SHROOM4: variants seen among roughly 807,000 people sequenced by gnomAD.
SHROOM4 encodes shroom family member 4.
A neutral mutation model predicts 80.3 loss-of-function variants in SHROOM4; 17 were observed. The observed-to-expected ratio is 0.21, with a 90% CI of 0.14 to 0.32. The LOEUF (loss-of-function observed/expected upper bound fraction) is 0.32, where lower values mean the gene tolerates loss of function less well. Ranked by LOEUF, SHROOM4 falls within the 10% of genes least tolerant of loss-of-function variation. The pLI is 1.00. For synonymous variants in SHROOM4, 400 were observed against 437.5 expected (o/e 0.91, Z 1.07); for missense variants, 993 against 1,140.3 (o/e 0.87, Z 1.86).
At chrX:50,660,603 T>A (rs1932475328) in intron 2 of SHROOM4, among the ~76,000 whole-genome samples, 1 of 74,053 alleles carries the variant, frequency 1.4e-5, no homozygotes, top group Non-Finnish European at 2.4e-5. Flanking sequence ...TCTCTCTCCC[T>A]CTCTCTCTCC....
At chrX:50,744,321 C>T (rs1461739138) in intron 1 of SHROOM4, among the ~76,000 whole-genome samples, 2 of 111,225 alleles carry the variant, frequency 1.8e-5, no homozygotes, top group African/African-American at 3.3e-5. Flanking sequence ...ATTAATCTGT[C>T]TTCTGCTTCA....
chrX:50,744,444 AAAT>A (rs782080147), intron 1 of SHROOM4, among the ~76,000 whole-genome samples: 30 of 112,041 alleles, frequency 2.7e-4, no homozygotes, highest in Admixed American at 7.6e-4. Flanking sequence ...TCTTTTTAAA[AAAT>A]AAGTTCTATC....
At chrX:50,643,480 A>T (rs1931693909) in intron 2 of SHROOM4, 1 of 111,405 alleles carries the variant, frequency 9.0e-6, no homozygotes, top group Non-Finnish European at 1.9e-5. Flanking sequence ...GCTGAGTGTG[A>T]TCCAAGGGGC....
At position 50,646,391 on chromosome X, in the gene SHROOM4, G is replaced by C. The variant is rs1210260122; in HGVS notation, c.270-8083C>G. Among the ~76,000 whole-genome samples the C allele has an allele frequency of 3.6e-5, 4 of 110,419 alleles. No homozygotes were observed. In the Admixed American group the frequency reaches 3.9e-4, roughly 11 times the overall value. On this transcript the variant is annotated intron_variant, in intron 2 of 8. Coordinates refer to ENST00000376020, the MANE Select transcript of SHROOM4 (RefSeq NM_020717.5). Reference sequence around the variant, plus strand: ...TGCATGGCTTGTTTATTTGACAGAAGAGGGGAAAAGCTGCCTGGTCACCAT... The same window carrying C: ...TGCATGGCTTGTTTATTTGACAGAACAGGGGAAAAGCTGCCTGGTCACCAT...
chrX:50,577,067 A>G, the SHROOM4 span, among the ~76,000 whole-genome samples: 1 of 112,069 alleles, frequency 8.9e-6, no homozygotes, highest in Non-Finnish European at 1.9e-5. Flanking sequence ...TCGTTCTTTT[A>G]TCATTTTTTT....
chrX:50,748,051 G>A (rs1486742349), intron 1 of SHROOM4, among the ~76,000 whole-genome samples: 4 of 112,029 alleles, frequency 3.6e-5, no homozygotes, highest in African/African-American at 1.3e-4. Context: ...TGTCAAAACT[G>A]GAAGCTTATA....
chrX:50,731,087 T>C (rs1934359736), intron 1 of SHROOM4, among the ~76,000 whole-genome samples: 1 of 111,038 alleles, frequency 9.0e-6, no homozygotes, highest in African/African-American at 3.3e-5. Context: ...GGAGATTGAG[T>C]TCTGGCATTA....
chrX:50,588,975 C>T lies in SHROOM4; in HGVS notation c.*7720G>A, dbSNP rs1457595670. On this transcript the variant is annotated 3_prime_UTR_variant, in exon 9 of 9. Transcript: ENST00000376020. ...AACTTGGTTTATTTGCCCAATGAGC[C>T]GAAGCTCTTATCCATTCTACCACAA... Among the ~76,000 whole-genome samples, 10 of 111,515 alleles carry T rather than the reference C, an allele frequency of 9.0e-5. No homozygotes were observed. The highest frequency in any genetic ancestry group is 2.9e-4 in the African/African-American group (9 of 30,681).
chrX:50,602,460 T>C (rs1326300802), intron 7 of SHROOM4, among the ~76,000 whole-genome samples, 173 bp downstream of exon 7: 1 of 111,453 alleles, frequency 9.0e-6, no homozygotes, highest in Non-Finnish European at 1.9e-5. Flanking sequence ...TATTATTGAC[T>C]GGATCAAAAA....
At chrX:50,617,432 C>G (rs1421682115) in intron 5 of SHROOM4, among the ~76,000 whole-genome samples, 1 of 111,501 alleles carries the variant, frequency 9.0e-6, no homozygotes, top group Non-Finnish European at 1.9e-5. Context: ...AACCACATAG[C>G]TGACTAGCCA....
intron 1 of SHROOM4, among the ~76,000 whole-genome samples, chrX:50,788,226 G>A (rs1047176267): frequency 1.8e-5 from 2 of 111,584 alleles, no homozygotes; most frequent in African/African-American, 6.5e-5. Context: ...GTATGTGATC[G>A]AAGTTAGGTT....
chrX:50,593,247 G>C lies in SHROOM4; in HGVS notation c.*3448C>G, dbSNP rs782434935. 1 of 112,124 alleles carries C rather than the reference G, an allele frequency of 8.9e-6. No individual in the cohort carries two copies. Among genetic ancestry groups the C allele is most frequent in the East Asian group, 2.8e-4 (1 of 3,534 alleles). 9.2% of individuals were successfully genotyped at this position (112,124 alleles called of 1,213,427 possible). On this transcript the variant is annotated 3_prime_UTR_variant, in exon 9 of 9. Transcript: ENST00000376020. Reference sequence around the variant, plus strand: ...TATCTGTGAAGGACTATGGATAGGTGACCAAATTCCTTTCCAGTACTTTTC... The same window carrying C: ...TATCTGTGAAGGACTATGGATAGGTCACCAAATTCCTTTCCAGTACTTTTC...
intron 1 of SHROOM4, among the ~76,000 whole-genome samples, chrX:50,787,821 A>G (rs1187836808): frequency 9.1e-6 from 1 of 110,377 alleles, no homozygotes; most frequent in Non-Finnish European, 1.9e-5. Context: ...TGTCAAAACT[A>G]TCCTTCAAAA....
At chrX:50,793,692 A>T (rs1935900347) in intron 1 of SHROOM4, among the ~76,000 whole-genome samples, 1 of 107,508 alleles carries the variant, frequency 9.3e-6, no homozygotes, top group African/African-American at 3.4e-5. Context: ...ACGCTAATGT[A>T]TATTGCAGTA....
the SHROOM4 span, among the ~76,000 whole-genome samples, chrX:50,581,687 T>C: frequency 1.8e-5 from 2 of 112,067 alleles, no homozygotes; most frequent in South Asian, 3.7e-4. Context: ...TAGGACCACA[T>C]GAATAAACAA....
At chrX:50,737,351 C>T (rs1215131624) in intron 1 of SHROOM4, among the ~76,000 whole-genome samples, 1 of 110,754 alleles carries the variant, frequency 9.0e-6, no homozygotes, top group African/African-American at 3.3e-5. Context: ...AAAATAAATT[C>T]CACCAAATCA....
At chrX:50,649,441 G>C (rs782554124) in intron 2 of SHROOM4, among the ~76,000 whole-genome samples, 15 of 111,773 alleles carry the variant, frequency 1.3e-4, no homozygotes, top group African/African-American at 4.6e-4. Flanking sequence ...AGTTCAGTGA[G>C]AAGAGGAAGA....
chrX:50,682,138 T>G (rs1932953754), intron 2 of SHROOM4, among the ~76,000 whole-genome samples: 1 of 112,228 alleles, frequency 8.9e-6, no homozygotes, highest in African/African-American at 3.2e-5. Context: ...CTTTTTGATA[T>G]AAAGCATATA....
At chrX:50,578,143 G>A in the SHROOM4 span, among the ~76,000 whole-genome samples, 1 of 111,541 alleles carries the variant, frequency 9.0e-6, no homozygotes, top group African/African-American at 3.3e-5. Flanking sequence ...AAAGTTTCCA[G>A]AGAGAAAAAT....
Sources: gnomAD v4.1 joint callset for allele counts (sites outside exome capture counted in the v4.1 genomes callset) on GRCh38, gnomAD v4.1.1 for gene constraint, MANE v1.5 for transcripts, NCBI Gene and HGNC (gene_info 2026-07-23, HGNC 2026-07-21) for gene names.